CTXND1: variants seen among roughly 807,000 people sequenced by gnomAD.
The protein encoded by CTXND1 is cortexin domain-containing 1 protein.
chr15:80,222,577 G>GT (rs1893329864), intron 1 of CTXND1, among the ~76,000 whole-genome samples: 1 of 152,092 alleles, frequency 6.6e-6, no homozygotes, highest in African/African-American at 2.4e-5. Flanking sequence ...ATATGAATGA[G>GT]TTTTACACAT....
At chr15:80,230,821 G>T (rs534692651) in intron 1 of CTXND1, among the ~76,000 whole-genome samples, 1 of 152,088 alleles carries the variant, frequency 6.6e-6, no homozygotes, top group Non-Finnish European at 1.5e-5. Flanking sequence ...GTCCAAGGAC[G>T]CTGAGGCAGG....
intron 1 of CTXND1, among the ~76,000 whole-genome samples, chr15:80,215,789 T>TA (rs572984829): frequency 3.5e-4 from 54 of 152,342 alleles, no homozygotes; most frequent in African/African-American, 1.3e-3. Flanking sequence ...TAATGCTTTT[T>TA]ATCTCCAAGA....
intron 1 of CTXND1, among the ~76,000 whole-genome samples, chr15:80,223,917 G>A (rs540750013): frequency 1.5e-4 from 23 of 152,078 alleles, no homozygotes; most frequent in Non-Finnish European, 2.2e-4. Flanking sequence ...GAGTCCATGC[G>A]TCCCCCCATT....
intron 1 of CTXND1, among the ~76,000 whole-genome samples, chr15:80,209,150 A>G (rs375239718): frequency 4.6e-5 from 7 of 152,194 alleles, no homozygotes; most frequent in African/African-American, 1.4e-4. Context: ...CCAGGGGAGG[A>G]TTATCACTGT....
intron 1 of CTXND1, among the ~76,000 whole-genome samples, chr15:80,204,189 T>A (rs1306772394): frequency 3.8e-5 from 2 of 52,938 alleles, no homozygotes; most frequent in African/African-American, 1.8e-4. Flanking sequence ...TATATATATA[T>A]ATATATATAT....
At chr15:80,234,196 T>C (rs1349761789) in intron 1 of CTXND1, among the ~76,000 whole-genome samples, 3 of 152,078 alleles carry the variant, frequency 2.0e-5, no homozygotes, top group Admixed American at 6.6e-5. Flanking sequence ...ATCTACAAAC[T>C]TATTGGGGGA....
intron 1 of CTXND1, among the ~76,000 whole-genome samples, chr15:80,242,285 G>GT (rs962324639): frequency 2.1e-4 from 32 of 152,236 alleles, no homozygotes; most frequent in African/African-American, 7.2e-4. Context: ...TTGATGGCAA[G>GT]TTAGATGTCT....
At chr15:80,205,649 C>T (rs996601281) in intron 1 of CTXND1, among the ~76,000 whole-genome samples, 2 of 152,168 alleles carry the variant, frequency 1.3e-5, no homozygotes, top group African/African-American at 2.4e-5. Context: ...CACCAGATCC[C>T]GGCATCCAGA....
At chr15:80,249,706 T>C (rs1332648180) in intron 1 of CTXND1, among the ~76,000 whole-genome samples, 2 of 152,230 alleles carry the variant, frequency 1.3e-5, no homozygotes, top group African/African-American at 2.4e-5. Flanking sequence ...TTCTCCCCGG[T>C]GTCCACAAGG....
chr15:80,239,664 T>C (rs1279644835), intron 1 of CTXND1, among the ~76,000 whole-genome samples: 1 of 152,182 alleles, frequency 6.6e-6, no homozygotes, highest in Non-Finnish European at 1.5e-5. Context: ...AGTTAATACT[T>C]AATAAACTCT....
intron 1 of CTXND1, among the ~76,000 whole-genome samples, chr15:80,244,773 T>A (rs531855992): frequency 6.6e-6 from 1 of 152,288 alleles, no homozygotes; most frequent in East Asian, 1.9e-4. Flanking sequence ...GTGGGCTAGA[T>A]CTTTCCCACA....
chr15:80,249,352 C>T (rs889329589), intron 1 of CTXND1, among the ~76,000 whole-genome samples: 3 of 152,124 alleles, frequency 2.0e-5, no homozygotes, highest in Non-Finnish European at 2.9e-5. Flanking sequence ...GGGATTCTAA[C>T]GGGACAAGGG....
intron 1 of CTXND1, among the ~76,000 whole-genome samples, chr15:80,222,816 T>C (rs905969872): frequency 2.0e-5 from 3 of 152,132 alleles, no homozygotes; most frequent in Non-Finnish European, 2.9e-5. Context: ...AGTATTTCCT[T>C]GAGTGTGTTT....
At chr15:80,248,592 T>C (rs1469240580) in intron 1 of CTXND1, among the ~76,000 whole-genome samples, 1 of 152,182 alleles carries the variant, frequency 6.6e-6, no homozygotes, top group Non-Finnish European at 1.5e-5. Flanking sequence ...AATATCATAA[T>C]TGATTAGCAA....
chr15:80,249,908 C>T (rs28648851), intron 1 of CTXND1, among the ~76,000 whole-genome samples: 6,141 of 152,232 alleles, frequency 0.04, 430 homozygotes, highest in African/African-American at 0.14. Flanking sequence ...GGTTCCAGAG[C>T]CTTCAATGTC....
At chr15:80,205,493 GC>G (rs1160672874) in intron 1 of CTXND1, among the ~76,000 whole-genome samples, 46 of 152,082 alleles carry the variant, frequency 3.0e-4, no homozygotes, top group African/African-American at 1.1e-3. Context: ...GTTGAAACCA[GC>G]CCAGTTGTCC....
intron 1 of CTXND1, among the ~76,000 whole-genome samples, chr15:80,209,358 G>T (rs75987466): frequency 0.018 from 2,804 of 152,302 alleles, 82 homozygotes; most frequent in African/African-American, 0.063. Flanking sequence ...TTCCCTGGGA[G>T]CTGAGCTGCT....
At chr15:80,228,888 A>G (rs1317534772) in intron 1 of CTXND1, among the ~76,000 whole-genome samples, 5 of 152,016 alleles carry the variant, frequency 3.3e-5, no homozygotes, top group Non-Finnish European at 7.4e-5. Context: ...TCGGCCCCCG[A>G]AAGTGCTGGG....
intron 1 of CTXND1, among the ~76,000 whole-genome samples, chr15:80,248,400 G>A (rs2141467473): frequency 6.6e-6 from 1 of 152,290 alleles, no homozygotes; most frequent in African/African-American, 2.4e-5. Context: ...AGGGTAAGGA[G>A]AGAAAGAAAG....
Sources: allele counts gnomAD v4.1 joint callset (sites outside exome capture counted in the v4.1 genomes callset), GRCh38; gene constraint gnomAD v4.1.1; transcripts MANE v1.5; gene names NCBI Gene and HGNC (gene_info 2026-07-23, HGNC 2026-07-21).